Variants in STON2 observed in about 807,000 individuals in gnomAD.
STON2 encodes the protein stonin-2.
In STON2, 29 loss-of-function variants were observed where a neutral mutation model predicts 65.7. The ratio of observed to expected loss-of-function variants is 0.44; its 90% CI spans 0.33 to 0.60. The LOEUF (loss-of-function observed/expected upper bound fraction) is 0.60. STON2 is among the 20% of genes least tolerant of loss of function. STON2 has a pLI of 0.03. For missense variants in STON2, 1,054 were observed against 1,118.1 expected (o/e 0.94, Z 0.82); for synonymous variants, 404 against 414.2 (o/e 0.98, Z 0.30).
At chr14:81,283,079 C>G (rs1725978360) in intron 5 of STON2, among the ~76,000 whole-genome samples, 1 of 152,120 alleles carries the variant, frequency 6.6e-6, no homozygotes, top group Non-Finnish European at 1.5e-5. Context: ...AAACAAAAGC[C>G]ATGTGTAAGG....
chr14:81,340,031 G>C (rs1450647223), intron 4 of STON2, among the ~76,000 whole-genome samples: 2 of 152,196 alleles, frequency 1.3e-5, no homozygotes, highest in African/African-American at 2.4e-5. Context: ...GCGGGCGCCT[G>C]TAGTCCTAGC....
At chr14:81,409,107 A>T (rs1889775811) in intron 2 of STON2, among the ~76,000 whole-genome samples, 1 of 152,206 alleles carries the variant, frequency 6.6e-6, no homozygotes, top group Non-Finnish European at 1.5e-5. Context: ...TTCAGAGAAG[A>T]TAAAATATTT....
At chr14:81,360,974 T>C (rs527690603) in intron 4 of STON2, among the ~76,000 whole-genome samples, 15 of 152,106 alleles carry the variant, frequency 9.9e-5, no homozygotes, top group Admixed American at 3.3e-4. Flanking sequence ...CTATAAAATA[T>C]TGATGAAATA....
rs1566901094 is a variant in STON2 at position 81,308,794 on chromosome 14, A to ACC, written c.742+15222_742+15223insGG. Among the ~76,000 whole-genome samples, 32 of 19,144 alleles carry ACC rather than the reference A, an allele frequency of 1.7e-3. 3 individuals are homozygous for ACC. In the South Asian group the frequency reaches 0.047, roughly 28 times the overall value. 12.6% of individuals were successfully genotyped at this position (19,144 alleles called of 152,430 possible). Reference sequence around the variant, plus strand: ...CATGGTTTTACCCATATATATATATATATATATATATATATATATATATAT... The same window carrying ACC: ...CATGGTTTTACCCATATATATATATACCTATATATATATATATATATATATAT... On this transcript the variant is annotated intron_variant, in intron 5 of 7. Coordinates refer to ENST00000614646, the MANE Select transcript of STON2 (RefSeq NM_001394390.1).
intron 5 of STON2, among the ~76,000 whole-genome samples, chr14:81,311,881 G>A (rs1208944924): frequency 6.6e-6 from 1 of 152,162 alleles, no homozygotes; most frequent in African/African-American, 2.4e-5. Context: ...AATGAAGGTT[G>A]GCCAATTAAT....
intron 2 of STON2, among the ~76,000 whole-genome samples, chr14:81,420,090 T>C (rs1325104330): frequency 2.0e-5 from 3 of 152,178 alleles, no homozygotes; most frequent in African/African-American, 7.2e-5. Flanking sequence ...CTAGATCCTT[T>C]AGCAGCAGAT....
At chr14:81,294,784 T>G (rs2140165857) in intron 5 of STON2, among the ~76,000 whole-genome samples, 1 of 152,318 alleles carries the variant, frequency 6.6e-6, no homozygotes, top group Non-Finnish European at 1.5e-5. Flanking sequence ...CAAGCCTCTT[T>G]GTGCCATTTC....
chr14:81,267,670 T>A lies in STON2; in HGVS notation c.*744A>T. 1.0e-6 allele frequency: 1 copy of A among 985,386 alleles called. No individual in the cohort carries two copies. The highest frequency in any genetic ancestry group is 1.2e-6 in the Non-Finnish European group (1 of 829,906). 61.0% of individuals were successfully genotyped at this position (985,386 alleles called of 1,614,324 possible). ...TCTCCAAAATGAAGAAAACTAAGAT[T>A]AATTTTGCCTTCCCCTCAACACCCA... On this transcript the variant is annotated 3_prime_UTR_variant, in exon 8 of 8. Coordinates refer to ENST00000614646, the MANE Select transcript of STON2 (RefSeq NM_001394390.1).
At chr14:81,296,261 A>G (rs181928052) in intron 5 of STON2, among the ~76,000 whole-genome samples, 1 of 152,326 alleles carries the variant, frequency 6.6e-6, no homozygotes, top group Admixed American at 6.5e-5. Context: ...GGATATGTGA[A>G]AAGTAATGAG....
At chr14:81,396,984 G>A (rs1900355469) in intron 2 of STON2, among the ~76,000 whole-genome samples, 1 of 152,184 alleles carries the variant, frequency 6.6e-6, no homozygotes, top group South Asian at 2.1e-4. Flanking sequence ...CTTGAATCCA[G>A]GAGGCGGAGG....
intron 2 of STON2, among the ~76,000 whole-genome samples, chr14:81,413,572 G>C (rs1901274570): frequency 1.4e-5 from 2 of 139,400 alleles, no homozygotes; most frequent in South Asian, 4.8e-4. Flanking sequence ...GAGGCAGGCA[G>C]ATCAAGTGGT....
intron 3 of STON2, among the ~76,000 whole-genome samples, chr14:81,371,941 T>C (rs1039827671): frequency 2.6e-5 from 4 of 152,130 alleles, no homozygotes; most frequent in Non-Finnish European, 2.9e-5. Flanking sequence ...AGAGTAGATA[T>C]GTAACTATAT....
chr14:81,318,409 T>C (rs989892378), intron 5 of STON2, among the ~76,000 whole-genome samples: 1 of 152,136 alleles, frequency 6.6e-6, no homozygotes, highest in Non-Finnish European at 1.5e-5. Flanking sequence ...CAGCTAGGAC[T>C]TTAGGAGCCT....
intron 4 of STON2, among the ~76,000 whole-genome samples, chr14:81,340,872 T>C: frequency 6.6e-6 from 1 of 151,334 alleles, no homozygotes; most frequent in Non-Finnish European, 1.5e-5. Flanking sequence ...ATATATACTA[T>C]ATAGATTATT....
intron 3 of STON2, among the ~76,000 whole-genome samples, chr14:81,385,064 G>C (rs1166135660): frequency 6.6e-6 from 1 of 152,168 alleles, no homozygotes; most frequent in Non-Finnish European, 1.5e-5. Flanking sequence ...GGAGAGCAGG[G>C]ACTGTGTCCA....
chr14:81,269,086 A>G (rs955441615), intron 7 of STON2, among the ~76,000 whole-genome samples: 2 of 151,956 alleles, frequency 1.3e-5, no homozygotes, highest in Non-Finnish European at 2.9e-5. Flanking sequence ...GCTCACCGCA[A>G]CCTCCACTTC....
chr14:81,261,825 G>A lies in STON2; in HGVS notation c.*6589C>T, dbSNP rs1346954057. On this transcript the variant is annotated 3_prime_UTR_variant, in exon 8 of 8. Coordinates refer to ENST00000614646, the MANE Select transcript of STON2 (RefSeq NM_001394390.1). ...AGATGATGCCAGTGGAACTTCCAAA[G>A]AAGCATTCCACCTGATCTTCACCAC... 2.2e-5 allele frequency: 34 copies of A among 1,532,500 alleles called. No homozygotes were observed. The highest frequency in any genetic ancestry group is 1.2e-4 in the African/African-American group (9 of 72,702). 94.9% of individuals were successfully genotyped at this position (1,532,500 alleles called of 1,614,324 possible). A position where few individuals can be genotyped will look rare whatever the true frequency, so the allele number is the denominator to read the frequency against.
At chr14:81,314,231 A>G (rs542611796) in intron 5 of STON2, among the ~76,000 whole-genome samples, 20 of 152,366 alleles carry the variant, frequency 1.3e-4, no homozygotes, top group Admixed American at 5.9e-4. Context: ...CCAGATGTCC[A>G]GGCTTCTGGT....
intron 5 of STON2, among the ~76,000 whole-genome samples, chr14:81,300,055 T>C (rs1895912546): frequency 6.6e-6 from 1 of 151,838 alleles, no homozygotes; most frequent in South Asian, 2.1e-4. Flanking sequence ...AATTTCAAGA[T>C]TGACTATAAA....
Sources: gnomAD v4.1 joint callset for allele counts (sites outside exome capture counted in the v4.1 genomes callset) on GRCh38, gnomAD v4.1.1 for gene constraint, MANE v1.5 for transcripts, NCBI Gene and HGNC (gene_info 2026-07-23, HGNC 2026-07-21) for gene names.